MAN2B1: variants seen among roughly 807,000 people sequenced by gnomAD.
The protein encoded by MAN2B1 is mannosidase alpha class 2B member 1.
MAN2B1 carries 99 observed loss-of-function variants against 127.5 expected under a neutral mutation model. The ratio of observed to expected loss-of-function variants is 0.78; its 90% CI spans 0.66 to 0.92. The LOEUF is 0.92. Ranked by LOEUF, MAN2B1 falls within the 40% of genes least tolerant of loss-of-function variation. MAN2B1 has a pLI of 0.00. For synonymous variants in MAN2B1, 573 were observed against 568.8 expected (o/e 1.01, Z -0.11); for missense variants, 1,304 against 1,384.8 (o/e 0.94, Z 0.93).
chr19:12,655,120 G>C (rs184028881), intron 14 of MAN2B1, among the ~76,000 whole-genome samples: 10 of 152,272 alleles, frequency 6.6e-5, no homozygotes, highest in Admixed American at 5.2e-4. Flanking sequence ...CTGGGCTCAA[G>C]TGATCCTCCC....
chr19:12,652,048 A>C (rs1288176446), intron 16 of MAN2B1, 105 bp downstream of exon 16: 2 of 875,922 alleles, frequency 2.3e-6, no homozygotes, highest in Non-Finnish European at 3.9e-6. Flanking sequence ...ATCTGAAGGA[A>C]AAGTAAATCC....
Position 12,658,298 on chromosome 19 carries a change from G to T in MAN2B1, c.1156C>A (p.Gln386Lys), listed in dbSNP as rs1447244591. 2 of 1,614,234 alleles carry T rather than the reference G, an allele frequency of 1.2e-6. No homozygotes were observed. Among genetic ancestry groups the T allele is most frequent in the East Asian group, 4.5e-5 (2 of 44,890 alleles). ...CTGGAAAAGTAACCGGTCCAGAACT[G>T]GTGGGGGCCATCCGCGTAAGGGAAG... ...DFFPYADGPHQFWTGYFSSRP... is the reference protein window; with the variant it reads ...DFFPYADGPHKFWTGYFSSRP... The change falls in exon 9 of 24, where the codon CAG becomes AAG. Residue 386 changes from glutamine (Q) to lysine (K), a missense_variant. Transcript: ENST00000456935.
At chr19:12,662,948 A>AT (rs552638865) in intron 6 of MAN2B1, among the ~76,000 whole-genome samples, 236 of 149,918 alleles carry the variant, frequency 1.6e-3, no homozygotes, top group South Asian at 0.013. Flanking sequence ...AAAAAAAAAA[A>AT]AATAATAATA....
At chr19:12,646,835 G>A (rs1225410189) in intron 23 of MAN2B1, 103 bp from the exon 24 acceptor site, 23 of 820,508 alleles carry the variant, frequency 2.8e-5, no homozygotes, top group South Asian at 1.1e-4. Flanking sequence ...GCATATCCCC[G>A]AATCTGTCTC....
rs767199154 is a variant in MAN2B1, at chr19:12,657,041, C to A, written c.1435G>T (p.Ala479Ser). Reference protein sequence around the residue: ...WGPCEVLLSNALARLRGFKDH... With the variant: ...WGPCEVLLSNSLARLRGFKDH... ...TTGAAGCCTCTGAGCCGCGCCAGCG[C>A]GTTGCTCAGAAGAACCTGCGGAAGA... Residue 479 changes from alanine (A) to serine (S), a missense_variant, in exon 12 of 24, where the codon GCG becomes TCG. Coordinates refer to ENST00000456935, the MANE Select transcript of MAN2B1 (RefSeq NM_000528.4). 2.7e-5 allele frequency: 43 copies of A among 1,610,752 alleles called. No individual in the cohort carries two copies. Among genetic ancestry groups the A allele is most frequent in the East Asian group, 2.2e-4 (10 of 44,838 alleles).
rs1360819534 is a variant in MAN2B1 at position 12,658,753 on chromosome 19, C to T, written c.1027-243G>A. The T allele has an allele frequency of 5.5e-6, 3 of 546,754 alleles. No individual in the cohort carries two copies. In the African/African-American group the frequency reaches 5.7e-5, roughly 10 times the overall value. The allele number at this position is 546,754 out of a possible 1,614,324, so 33.9% of individuals were successfully genotyped here. On this transcript the variant is annotated intron_variant, in intron 7 of 23. Coordinates refer to ENST00000456935, the MANE Select transcript of MAN2B1 (RefSeq NM_000528.4). ...AACCTGAAATTTTACTAAACTTTTA[C>T]AATAATTCCAACTTTATTATTAAAA...
chr19:12,650,216 A>T lies in MAN2B1; in HGVS notation c.2053T>A (p.Leu685Met). The T allele has an allele frequency of 6.2e-7, 1 of 1,605,854 alleles. No individual in the cohort carries two copies. The highest frequency in any genetic ancestry group is 8.5e-7 in the Non-Finnish European group (1 of 1,172,794). ...AAGTTCTGGTGCACCTCCTGCACCA[A>T]GGGTGTCTGCGGGCACACGGGTGAG... ...WAQIHLVKTPLVQEVHQNFSA... is the reference protein window; with the variant it reads ...WAQIHLVKTPMVQEVHQNFSA... Residue 685 changes from leucine (L) to methionine (M), a missense_variant, in exon 17 of 24, where the codon TTG (leucine) becomes ATG (methionine). Leu to Met is a conservative substitution (Grantham distance 15). Transcript: ENST00000456935.
intron 4 of MAN2B1, among the ~76,000 whole-genome samples, chr19:12,664,491 C>T (rs1398081428): frequency 2.0e-5 from 3 of 152,220 alleles, no homozygotes; most frequent in Non-Finnish European, 2.9e-5. Context: ...CATCCACTTG[C>T]CACCCGGTTT....
At chr19:12,654,942 AG>A (rs2023922760) in intron 14 of MAN2B1, among the ~76,000 whole-genome samples, 1 of 152,200 alleles carries the variant, frequency 6.6e-6, no homozygotes, top group South Asian at 2.1e-4. Flanking sequence ...CTAGAATTAC[AG>A]GTATAATCCA....
chr19:12,657,209 A>T, intron 11 of MAN2B1, 153 bp from the exon 12 acceptor site: 1 of 704,662 alleles, frequency 1.4e-6, no homozygotes. Context: ...CCTTGACTAT[A>T]CCCCATAGCT....
chr19:12,659,298 T>A (rs78066691), intron 7 of MAN2B1, among the ~76,000 whole-genome samples: 1,336 of 52,730 alleles, frequency 0.025, 20 homozygotes, highest in African/African-American at 0.11. Context: ...CTCAATAAAC[T>A]TTTTTTTTTT....
intron 13 of MAN2B1, 180 bp from the exon 14 acceptor site, chr19:12,656,059 A>G (rs1290364390): frequency 9.0e-6 from 5 of 557,468 alleles, no homozygotes; most frequent in African/African-American, 5.8e-5. Flanking sequence ...CACCAGGTGG[A>G]AAAAAAAACC....
chr19:12,666,685 C>G lies in MAN2B1; in HGVS notation c.17G>C (p.Arg6Pro), dbSNP rs1272688847. The G allele has an allele frequency of 1.3e-6, 2 of 1,550,052 alleles. No individual in the cohort carries two copies. The highest frequency in any genetic ancestry group is 2.7e-5 in the African/African-American group (2 of 73,086). MGAYARASGVCARGCL... is the reference protein window; with the variant it reads MGAYAPASGVCARGCL... ...GCCGCGAGCGCAGACCCCCGAAGCC[C>G]GCGCGTAGGCGCCCATGGCTCAGCA... The change falls in exon 1 of 24, where the codon CGG becomes CCG. Residue 6 changes from arginine (R) to proline (P), a missense_variant. By Grantham distance (103) the Arg-to-Pro change is moderately radical. Transcript: ENST00000456935.
chr19:12,652,140 C>T lies in MAN2B1; in HGVS notation c.2046+13G>A. 6.2e-7 allele frequency: 1 copy of T among 1,605,734 alleles called. No homozygotes were observed. The highest frequency in any genetic ancestry group is 8.5e-7 in the Non-Finnish European group (1 of 1,172,420). ...CATTCCCAACTGCCCACTCATCATTCCTAGTCCCTGACCTTCACCAGGTGG... is the reference window on the plus strand; with the variant it reads ...CATTCCCAACTGCCCACTCATCATTTCTAGTCCCTGACCTTCACCAGGTGG... On this transcript the variant is annotated intron_variant, in intron 16 of 23. Transcript: ENST00000456935.
At position 12,647,001 on chromosome 19, in the gene MAN2B1, G is replaced by T; in HGVS notation, c.2923+232C>A. The T allele has an allele frequency of 1.6e-6, 1 of 608,614 alleles. No homozygotes were observed. Among genetic ancestry groups the T allele is most frequent in the Non-Finnish European group, 2.9e-6 (1 of 342,446 alleles). 37.7% of individuals were successfully genotyped at this position (608,614 alleles called of 1,614,324 possible). Reference sequence around the variant, plus strand: ...CCTCCCAGAACTAGACATGGATGGGGATTTTCAAATCTTGTTCTTGGGACT... The same window carrying T: ...CCTCCCAGAACTAGACATGGATGGGTATTTTCAAATCTTGTTCTTGGGACT... On this transcript the variant is annotated intron_variant, in intron 23 of 23. Transcript: ENST00000456935. The surrounding 1 kb of genome is among the most constrained non-coding windows in gnomAD (Gnocchi z 4.9).
Position 12,650,216 on chromosome 19 carries a change from A to G in MAN2B1, c.2053T>C (p.Leu685=). The G allele has an allele frequency of 6.2e-7, 1 of 1,605,854 alleles. No homozygotes were observed. The highest frequency in any genetic ancestry group is 8.5e-7 in the Non-Finnish European group (1 of 1,172,794). ...WAQIHLVKTP[L]VQEVHQNFSA... ...AAGTTCTGGTGCACCTCCTGCACCA[A>G]GGGTGTCTGCGGGCACACGGGTGAG... Residue 685 remains leucine, a synonymous_variant, in exon 17 of 24, where the codon TTG becomes CTG. Coordinates refer to ENST00000456935, the MANE Select transcript of MAN2B1 (RefSeq NM_000528.4).
intron 4 of MAN2B1, among the ~76,000 whole-genome samples, chr19:12,664,487 C>T (rs1011845643): frequency 6.6e-6 from 1 of 152,228 alleles, no homozygotes; most frequent in Non-Finnish European, 1.5e-5. Context: ...TAGGCATCCA[C>T]TTGCCACCCG....
At chr19:12,662,149 A>G (rs905163720) in intron 6 of MAN2B1, among the ~76,000 whole-genome samples, 1 of 152,008 alleles carries the variant, frequency 6.6e-6, no homozygotes, top group African/African-American at 2.4e-5. Context: ...CCAGCCATCA[A>G]TTTTTAAAGA....
chr19:12,665,667 G>A, intron 2 of MAN2B1, 36 bp downstream of exon 2: 3 of 1,599,122 alleles, frequency 1.9e-6, no homozygotes, highest in South Asian at 2.2e-5. Flanking sequence ...CAGGGACCAT[G>A]GGGATCCCAG....
Sources: gnomAD v4.1 joint callset for allele counts (sites outside exome capture counted in the v4.1 genomes callset) on GRCh38, gnomAD v4.1.1 for gene constraint, Gnocchi (gnomAD v3.1) non-coding constraint, MANE v1.5 for transcripts, NCBI Gene and HGNC (gene_info 2026-07-23, HGNC 2026-07-21) for gene names.